The following ENOX1 variants were observed in gnomAD, a reference collection of about 807,000 sequenced individuals.
ENOX1 encodes the protein ecto-NOX disulfide-thiol exchanger 1, also known as candidate growth-related and time keeping constitutive hydroquinone (NADH) oxidase.
ENOX1 carries 42 observed loss-of-function variants against 82.5 expected under a neutral mutation model. The ratio of observed to expected loss-of-function variants is 0.51; its 90% confidence interval spans 0.40 to 0.66. The LOEUF (loss-of-function observed/expected upper bound fraction) is 0.66. Among genes scored for constraint, ENOX1 ranks in the 30% least tolerant of loss-of-function variants. The pLI is 0.00. For missense variants in ENOX1, 608 were observed against 811.6 expected (o/e 0.75, Z 3.05); for synonymous variants, 271 against 282.2 (o/e 0.96, Z 0.40).
intron 14 of ENOX1, 21 bp downstream of exon 14, chr13:43,265,377 T>C (rs1288212798): frequency 2.5e-6 from 4 of 1,604,868 alleles, no homozygotes; most frequent in Non-Finnish European, 3.4e-6. Context: ...GAAGAACAAA[T>C]ACCAGGTTTG....
intron 2 of ENOX1, among the ~76,000 whole-genome samples, chr13:43,628,023 G>T (rs750484008): frequency 6.6e-6 from 1 of 151,922 alleles, no homozygotes; most frequent in Non-Finnish European, 1.5e-5. Context: ...TCACTTTCAA[G>T]AATTTTTCTT....
intron 3 of ENOX1, among the ~76,000 whole-genome samples, chr13:43,475,669 T>C (rs183761583): frequency 2.0e-5 from 3 of 152,084 alleles, no homozygotes; most frequent in Non-Finnish European, 4.4e-5. Flanking sequence ...GGGGTAATGA[T>C]TGAACCTAGG....
intron 9 of ENOX1, among the ~76,000 whole-genome samples, chr13:43,341,917 G>C (rs771911203): frequency 1.3e-5 from 2 of 152,094 alleles, no homozygotes; most frequent in Non-Finnish European, 2.9e-5. Flanking sequence ...TGGATTTTTG[G>C]GCAAGTTTGC....
intron 11 of ENOX1, among the ~76,000 whole-genome samples, chr13:43,309,180 C>T (rs968060059): frequency 2.6e-5 from 4 of 152,064 alleles, no homozygotes; most frequent in Non-Finnish European, 4.4e-5. Context: ...TGCCACCACA[C>T]CTGGCTAATT....
intron 8 of ENOX1, among the ~76,000 whole-genome samples, chr13:43,349,980 C>A (rs1175794608): frequency 1.3e-5 from 2 of 152,200 alleles, no homozygotes; most frequent in African/African-American, 4.8e-5. Context: ...TAGACCCTTT[C>A]TATGGAATGC....
intron 2 of ENOX1, among the ~76,000 whole-genome samples, chr13:43,637,490 T>C (rs1440882951): frequency 2.0e-5 from 3 of 151,552 alleles, no homozygotes; most frequent in Non-Finnish European, 4.4e-5. Flanking sequence ...CCACAGCCTT[T>C]GTTCCCTGAA....
At position 43,288,725 on chromosome 13, in the gene ENOX1, A is replaced by G. The variant is rs554814744; in HGVS notation, c.1446+9621T>C. On this transcript the variant is annotated intron_variant, in intron 12 of 16. Transcript: ENST00000690772. ...GGCTATTCCTTCCTTCTAATTGAAC[A>G]TTTTTGAGGCTCATGAACTCTACTT... Among the ~76,000 whole-genome samples, 3 of 152,270 alleles carry G rather than the reference A, an allele frequency of 2.0e-5. No homozygotes were observed. In the South Asian group the frequency reaches 6.2e-4, roughly 32 times the overall value.
Position 43,442,910 on chromosome 13 carries a change from G to A in ENOX1, c.-74-29922C>T, listed in dbSNP as rs2056436424. ...AGGAGTTATTAACTTTAGAATATCT[G>A]TTGTATAAATTAAAAATCTTAAGAA... On this transcript the variant is annotated intron_variant, in intron 3 of 16. Transcript: ENST00000690772. Among the ~76,000 whole-genome samples, 2 of 152,022 alleles carry A rather than the reference G, an allele frequency of 1.3e-5. 1 individual carries two copies. Among genetic ancestry groups the A allele is most frequent in the African/African-American group, 4.8e-5 (2 of 41,402 alleles).
At chr13:43,540,347 T>C (rs1332585833) in intron 2 of ENOX1, among the ~76,000 whole-genome samples, 1 of 152,212 alleles carries the variant, frequency 6.6e-6, no homozygotes, top group Non-Finnish European at 1.5e-5. Context: ...CACAATGTCC[T>C]AAAGCCAACT....
intron 1 of ENOX1, among the ~76,000 whole-genome samples, chr13:43,677,744 C>T (rs774774847): frequency 2.0e-5 from 3 of 152,142 alleles, no homozygotes; most frequent in Admixed American, 6.5e-5. Flanking sequence ...ATTAAATGCA[C>T]ACATCCTGAC....
chr13:43,412,271 T>C (rs540110063), intron 4 of ENOX1, among the ~76,000 whole-genome samples: 98 of 152,292 alleles, frequency 6.4e-4, no homozygotes, highest in Non-Finnish European at 1.2e-3. Flanking sequence ...GTAGTTTATA[T>C]TATACACAGC....
chr13:43,287,538 A>C (rs2045767761), intron 12 of ENOX1, among the ~76,000 whole-genome samples: 1 of 152,194 alleles, frequency 6.6e-6, no homozygotes, highest in African/African-American at 2.4e-5. Flanking sequence ...TACAGAAAAC[A>C]AACAGTGAAG....
At chr13:43,717,391 C>T (rs1276275645) in intron 1 of ENOX1, among the ~76,000 whole-genome samples, 2 of 152,046 alleles carry the variant, frequency 1.3e-5, no homozygotes, top group Admixed American at 1.3e-4. Context: ...AAACATTAAC[C>T]CAACATGGAT....
intron 14 of ENOX1, among the ~76,000 whole-genome samples, chr13:43,247,862 TATATATATATATA>T (rs2043197966): frequency 0.012 from 42 of 3,466 alleles, 5 homozygotes; most frequent in East Asian, 0.026. Flanking sequence ...TATATATATA[TATATATATATATA>T]TATATATATT....
At chr13:43,492,964 A>G (rs1274885328) in intron 2 of ENOX1, among the ~76,000 whole-genome samples, 1 of 152,298 alleles carries the variant, frequency 6.6e-6, no homozygotes, top group East Asian at 1.9e-4. Flanking sequence ...GTTGAAGCAC[A>G]TAAGGCAAAA....
chr13:43,572,708 G>T (rs2080238063), intron 2 of ENOX1, among the ~76,000 whole-genome samples: 2 of 152,244 alleles, frequency 1.3e-5, no homozygotes, highest in African/African-American at 4.8e-5. Context: ...GAGATGGAAG[G>T]AAGGTGTGTT....
intron 1 of ENOX1, among the ~76,000 whole-genome samples, chr13:43,679,730 G>A (rs2085692695): frequency 6.6e-6 from 1 of 152,118 alleles, no homozygotes; most frequent in Non-Finnish European, 1.5e-5. Flanking sequence ...TGATAGAACT[G>A]CTGGAAATAT....
In ENOX1 at chr13:43,237,710, T is replaced by C. The variant is rs529917753; in HGVS notation, c.1612-972A>G. ...GTTATAGGAGAGATATTTAGATAGT[T>C]AGTACAAAGTAACAAAACTGGTCAG... On this transcript the variant is annotated intron_variant, in intron 14 of 16. Coordinates refer to ENST00000690772, the MANE Select transcript of ENOX1 (RefSeq NM_001347969.2). Among the ~76,000 whole-genome samples, 13 of 152,270 alleles carry C rather than the reference T, an allele frequency of 8.5e-5. No homozygotes were observed. The South Asian group carries it at 2.7e-3, about 32-fold the overall frequency.
intron 5 of ENOX1, among the ~76,000 whole-genome samples, chr13:43,371,595 T>C (rs2051249369): frequency 6.6e-6 from 1 of 152,258 alleles, no homozygotes; most frequent in African/African-American, 2.4e-5. Context: ...TGATTTTATT[T>C]ATCAACCTTC....
Sources: allele counts gnomAD v4.1 joint callset (sites outside exome capture counted in the v4.1 genomes callset), GRCh38; gene constraint gnomAD v4.1.1; transcripts MANE v1.5; gene names NCBI Gene and HGNC (gene_info 2026-07-23, HGNC 2026-07-21).